DNAH14: variants seen among roughly 807,000 people sequenced by gnomAD.
DNAH14 encodes axonemal beta dynein heavy chain 14.
DNAH14 carries 478 observed loss-of-function variants against 520.9 expected under a neutral mutation model. That is an observed-to-expected ratio of 0.92 (90% CI 0.85 to 0.99). The LOEUF (loss-of-function observed/expected upper bound fraction) is 0.99. Among genes scored for constraint, DNAH14 ranks in the 50% least tolerant of loss-of-function variants. DNAH14 has a pLI of 0.00. For synonymous variants in DNAH14, 1,581 were observed against 1,757.2 expected, an observed-to-expected ratio of 0.90 and a Z score of 2.51; for missense variants, 4,831 against 5,234.5, an observed-to-expected ratio of 0.92 and a Z score of 2.38.
chr1:225,043,622 G>A (rs2067680934), intron 13 of DNAH14, 122 bp from the exon 14 acceptor site: 1 of 732,658 alleles, frequency 1.4e-6, no homozygotes, highest in Admixed American at 3.1e-5. Context: ...TGTGTTTCAA[G>A]TGACTTCTTG....
chr1:225,205,939 C>G (rs1254825103), intron 39 of DNAH14, 32 bp from the exon 40 acceptor site: 1 of 1,492,918 alleles, frequency 6.7e-7, no homozygotes, highest in Non-Finnish European at 9.1e-7. Context: ...GGACATTAGT[C>G]TCAGTTACAT....
At position 225,286,861 on chromosome 1, in the gene DNAH14, G is replaced by A. The variant is rs536969038; in HGVS notation, c.8272-3024G>A. On this transcript the variant is annotated intron_variant, in intron 54 of 85. Coordinates refer to ENST00000682510, the MANE Select transcript of DNAH14 (RefSeq NM_001367479.1). ...AATAAAGCAAATGAATAAACACACTGTAGTAGTACATTGATACAATGGAAT... is the reference window on the plus strand; with the variant it reads ...AATAAAGCAAATGAATAAACACACTATAGTAGTACATTGATACAATGGAAT... Among the ~76,000 whole-genome samples, 3 of 152,216 alleles carry A rather than the reference G, an allele frequency of 2.0e-5. No homozygotes were observed. The South Asian group carries it at 6.2e-4, about 32-fold the overall frequency.
At chr1:224,983,694 G>A (rs1222124488) in intron 8 of DNAH14, among the ~76,000 whole-genome samples, 1 of 152,144 alleles carries the variant, frequency 6.6e-6, no homozygotes, top group African/African-American at 2.4e-5. Flanking sequence ...AAAGTATTCA[G>A]CAAAGTTTCC....
At chr1:225,152,135 C>A (rs898072658) in intron 32 of DNAH14, 62 bp downstream of exon 32, 4 of 1,403,700 alleles carry the variant, frequency 2.8e-6, no homozygotes, top group Non-Finnish European at 2.9e-6. Flanking sequence ...TAAATCTTAT[C>A]TACAGATGGA....
intron 21 of DNAH14, among the ~76,000 whole-genome samples, chr1:225,096,498 T>G (rs972490465): frequency 2.0e-5 from 3 of 152,188 alleles, no homozygotes; most frequent in Non-Finnish European, 4.4e-5. Context: ...TATTAATTTA[T>G]TTTTAACCAT....
chr1:224,973,150 C>T (rs2061600909), intron 7 of DNAH14, among the ~76,000 whole-genome samples: 1 of 152,214 alleles, frequency 6.6e-6, no homozygotes, highest in Non-Finnish European at 1.5e-5. Context: ...GTCCTGATTT[C>T]CAAGGCCTCA....
chr1:225,240,737 C>CA lies in DNAH14; in HGVS notation c.6664dup (p.Ser2222LysfsTer3). On this transcript the variant is annotated frameshift_variant, in exon 43 of 86. Transcript: ENST00000682510. LOFTEE classifies it high-confidence loss of function. ...ACAGAGAAAATATACCATTTTGTCC[C>CA]AGTCTTGAACCTGATTCTCTTGCAA... is the stretch of plus-strand genomic sequence containing the variant. 1 of 1,550,616 alleles carries CA rather than the reference C, an allele frequency of 6.4e-7. No homozygotes were observed. Among genetic ancestry groups the CA allele is most frequent in the South Asian group, 1.2e-5 (1 of 84,002 alleles).
intron 55 of DNAH14, among the ~76,000 whole-genome samples, chr1:225,290,631 ATGTGTG>A (rs71170071): frequency 0.11 from 7,724 of 70,228 alleles, 784 homozygotes; most frequent in East Asian, 0.22. Flanking sequence ...GTATAGATAT[ATGTGTG>A]TGTGTGTGTG....
At chr1:225,290,395 T>C (rs1156969334) in intron 55 of DNAH14, among the ~76,000 whole-genome samples, 2 of 151,786 alleles carry the variant, frequency 1.3e-5, no homozygotes, top group Non-Finnish European at 2.9e-5. Context: ...ATCTGTCTTA[T>C]ATCAGAACTA....
At chr1:225,010,832 A>G (rs972804971) in intron 10 of DNAH14, among the ~76,000 whole-genome samples, 1 of 151,962 alleles carries the variant, frequency 6.6e-6, no homozygotes, top group Non-Finnish European at 1.5e-5. Context: ...GGGAAGCTGT[A>G]TGTGTCCAGG....
rs930966416 is a variant in DNAH14 at position 224,990,229 on chromosome 1, A to G, written c.831-12554A>G. Among the ~76,000 whole-genome samples the G allele has an allele frequency of 5.3e-5, 8 of 152,314 alleles. No homozygotes were observed. The South Asian group carries it at 1.2e-3, about 24-fold the overall frequency. On this transcript the variant is annotated intron_variant, in intron 8 of 85. Transcript: ENST00000682510. ...GTCGTATATATTTATGGGATACACA[A>G]TGATGTTAAAGTTTATGAATACAAC...
At chr1:225,120,626 G>A (rs2077212181) in intron 26 of DNAH14, among the ~76,000 whole-genome samples, 1 of 152,214 alleles carries the variant, frequency 6.6e-6, no homozygotes, top group Admixed American at 6.5e-5. Flanking sequence ...TTAGAAGCAA[G>A]ATGAAGTTAG....
intron 64 of DNAH14, among the ~76,000 whole-genome samples, chr1:225,327,188 T>G (rs1001415866): frequency 2.6e-5 from 4 of 151,528 alleles, no homozygotes; most frequent in African/African-American, 9.7e-5. Flanking sequence ...GACGGAGTCT[T>G]GCACTCTCGC....
Position 225,259,228 on chromosome 1 carries a change from T to A in DNAH14, c.7132T>A (p.Leu2378Ile). The A allele has an allele frequency of 5.3e-6, 8 of 1,511,112 alleles. No homozygotes were observed. The highest frequency in any genetic ancestry group is 7.1e-6 in the Non-Finnish European group (8 of 1,126,240). The allele number at this position is 1,511,112 out of a possible 1,614,324, so 93.6% of individuals were successfully genotyped here. A position where few individuals can be genotyped will look rare whatever the true frequency, so the allele number is the denominator to read the frequency against. Reference sequence around the variant, plus strand: ...TGGTTCAATTTTAGGAGACACCCTATTATATAGTGAAATAAAAAAATCAAG... The same window carrying A: ...TGGTTCAATTTTAGGAGACACCCTAATATATAGTGAAATAAAAAAATCAAG... ...KHGSILGDTLLYSEIKKSSSL... is the reference protein window; with the variant it reads ...KHGSILGDTLIYSEIKKSSSL... The change falls in exon 46 of 86, where the codon TTA becomes ATA. Residue 2378 changes from leucine to isoleucine, a missense_variant. Leu to Ile is a conservative substitution (Grantham distance 5). Transcript: ENST00000682510.
At chr1:225,380,811 C>T (rs955820842) in intron 80 of DNAH14, among the ~76,000 whole-genome samples, 4 of 152,098 alleles carry the variant, frequency 2.6e-5, no homozygotes, top group Non-Finnish European at 5.9e-5. Flanking sequence ...TGATAATTTT[C>T]CCAGTTAAAT....
chr1:225,372,559 A>C (rs1375334510), intron 77 of DNAH14, among the ~76,000 whole-genome samples: 2 of 152,232 alleles, frequency 1.3e-5, no homozygotes, highest in African/African-American at 2.4e-5. Flanking sequence ...CTTATATCCT[A>C]TATAAAAATA....
At chr1:225,365,005 T>C in intron 76 of DNAH14, 111 bp downstream of exon 76, 1 of 771,502 alleles carries the variant, frequency 1.3e-6, no homozygotes. Context: ...TCTGATAAAT[T>C]CTGAAATGCT....
chr1:225,042,184 A>G (rs2067538340), intron 12 of DNAH14, among the ~76,000 whole-genome samples: 1 of 152,218 alleles, frequency 6.6e-6, no homozygotes, highest in African/African-American at 2.4e-5. Flanking sequence ...CAGATTATTC[A>G]AGTGATCACC....
At chr1:225,374,145 C>CTATATATATATATG (rs1272949431) in intron 77 of DNAH14, among the ~76,000 whole-genome samples, 4 of 33,064 alleles carry the variant, frequency 1.2e-4, no homozygotes, top group African/African-American at 5.5e-4. Flanking sequence ...TTGTGTCTTA[C>CTATATATATATATG]TATATATATA....
Sources: allele counts gnomAD v4.1 joint callset (sites outside exome capture counted in the v4.1 genomes callset), GRCh38; gene constraint gnomAD v4.1.1; transcripts MANE v1.5; gene names NCBI Gene and HGNC (gene_info 2026-07-23, HGNC 2026-07-21).